Variants in RYR3 observed in about 807,000 individuals in gnomAD.
The protein encoded by RYR3 is ryanodine receptor 3.
RYR3 carries 207 observed loss-of-function variants against 584.3 expected under a neutral mutation model. The observed-to-expected ratio is 0.35, with a 90% CI of 0.32 to 0.40. The LOEUF (loss-of-function observed/expected upper bound fraction) is 0.40. Ranked by LOEUF, RYR3 falls within the 10% of genes least tolerant of loss-of-function variation. RYR3 has a pLI of 1.00. For missense variants in RYR3, 5,616 were observed against 6,089.2 expected, an observed-to-expected ratio of 0.92 and a Z score of 2.59; for synonymous variants, 2,416 against 2,248.5, an observed-to-expected ratio of 1.07 and a Z score of -2.11.
chr15:33,658,656 C>T (rs887872754), intron 32 of RYR3, among the ~76,000 whole-genome samples: 6 of 152,212 alleles, frequency 3.9e-5, no homozygotes, highest in African/African-American at 1.4e-4. Flanking sequence ...GAATTAAAGT[C>T]CCAGTGTGTG....
At chr15:33,396,159 G>A (rs1327797895) in intron 1 of RYR3, among the ~76,000 whole-genome samples, 5 of 152,060 alleles carry the variant, frequency 3.3e-5, no homozygotes, top group African/African-American at 4.8e-5. Context: ...TTCAGGGGCC[G>A]GCCCACTTGA....
rs778909280 is a variant in RYR3, at chr15:33,821,256, T to C, written c.10816-14T>C. ...TAGGAACCAATCTTTCCCTGTGATT[T>C]TTTTTCCCCCCAGGAGAAAGAGATG... On this transcript the variant is annotated splice_polypyrimidine_tract_variant and intron_variant, in intron 78 of 103. Coordinates refer to ENST00000634891, the MANE Select transcript of RYR3 (RefSeq NM_001036.6). 3.0e-5 allele frequency: 48 copies of C among 1,578,248 alleles called. No individual in the cohort carries two copies. Among genetic ancestry groups the C allele is most frequent in the Non-Finnish European group, 4.0e-5 (47 of 1,161,974 alleles).
intron 45 of RYR3, 59 bp downstream of exon 45, chr15:33,724,235 A>G: frequency 3.3e-6 from 3 of 922,694 alleles, no homozygotes; most frequent in Non-Finnish European, 5.1e-6. Flanking sequence ...AACACTATAG[A>G]TTTCCTGAAC....
rs976748287 is a variant in RYR3, at chr15:33,345,498, A to G, written c.51+34402A>G. ...GCTCTAAAGGCCCATGTTCCTGGAAAAGCTTCTATAAATGTTTTCACGATG... is the reference window on the plus strand; with the variant it reads ...GCTCTAAAGGCCCATGTTCCTGGAAGAGCTTCTATAAATGTTTTCACGATG... On this transcript the variant is annotated intron_variant, in intron 1 of 103. Transcript: ENST00000634891. Among the ~76,000 whole-genome samples the G allele has an allele frequency of 3.3e-5, 5 of 152,230 alleles. No homozygotes were observed. In the South Asian group the frequency reaches 1.0e-3, roughly 32 times the overall value.
rs543409292 is a variant in RYR3, at chr15:33,581,368, C to A, written c.1438-140C>A. 27 of 823,030 alleles carry A rather than the reference C, an allele frequency of 3.3e-5. No homozygotes were observed. The East Asian group carries it at 6.8e-4, about 21-fold the overall frequency. 51.0% of individuals were successfully genotyped at this position (823,030 alleles called of 1,614,324 possible). Reference sequence around the variant, plus strand: ...GTTTTTAGGAGGGAAAAAAAACAAACCCAACTGGCACCATGAAGGTCTATT... The same window carrying A: ...GTTTTTAGGAGGGAAAAAAAACAAAACCAACTGGCACCATGAAGGTCTATT... On this transcript the variant is annotated intron_variant, in intron 13 of 103. Transcript: ENST00000634891.
intron 1 of RYR3, among the ~76,000 whole-genome samples, chr15:33,431,319 A>G (rs1218339816): frequency 6.6e-6 from 1 of 152,220 alleles, no homozygotes; most frequent in African/African-American, 2.4e-5. Flanking sequence ...TCTAAGATGC[A>G]TTGAGTGGGG....
chr15:33,738,726 C>G (rs1289000781), intron 50 of RYR3, 136 bp downstream of exon 50: 2 of 899,962 alleles, frequency 2.2e-6, no homozygotes, highest in African/African-American at 1.7e-5. Flanking sequence ...TTACGCCAAT[C>G]CTTGCCCATC....
intron 1 of RYR3, among the ~76,000 whole-genome samples, chr15:33,432,694 G>GTGTGTGTGTGTA (rs1243653764): frequency 1.3e-5 from 2 of 149,038 alleles, no homozygotes; most frequent in African/African-American, 5.0e-5. Context: ...GTGTGTGTGT[G>GTGTGTGTGTGTA]TGTTTAAAGT....
At chr15:33,339,757 T>C (rs939124616) in intron 1 of RYR3, among the ~76,000 whole-genome samples, 26 of 151,896 alleles carry the variant, frequency 1.7e-4, no homozygotes, top group African/African-American at 3.9e-4. Flanking sequence ...GGTGTAGTGG[T>C]GGGCGCCTGT....
At chr15:33,526,015 G>A (rs1460205292) in intron 3 of RYR3, among the ~76,000 whole-genome samples, 1 of 152,174 alleles carries the variant, frequency 6.6e-6, no homozygotes, top group East Asian at 1.9e-4. Flanking sequence ...TCAGCAAGGA[G>A]CCTTCCTGAG....
chr15:33,343,836 A>T (rs972123119), intron 1 of RYR3, among the ~76,000 whole-genome samples: 1 of 152,116 alleles, frequency 6.6e-6, no homozygotes, highest in Admixed American at 6.5e-5. Context: ...CCAGTTGCTG[A>T]GTTGCTCCTA....
intron 5 of RYR3, among the ~76,000 whole-genome samples, chr15:33,535,240 T>G (rs1205538500): frequency 6.6e-6 from 1 of 152,192 alleles, no homozygotes; most frequent in East Asian, 1.9e-4. Flanking sequence ...TTGCCTAATT[T>G]TATAGATCTA....
chr15:33,480,287 G>T (rs751524983), intron 2 of RYR3, among the ~76,000 whole-genome samples: 1 of 152,144 alleles, frequency 6.6e-6, no homozygotes, highest in African/African-American at 2.4e-5. Context: ...TGACTTTACT[G>T]CTCTCTGCCT....
intron 42 of RYR3, among the ~76,000 whole-genome samples, chr15:33,704,440 C>G (rs1257365657): frequency 6.6e-6 from 1 of 152,144 alleles, no homozygotes; most frequent in African/African-American, 2.4e-5. Context: ...GCTCTGTAGG[C>G]CTGTGTTGTG....
intron 85 of RYR3, among the ~76,000 whole-genome samples, chr15:33,829,345 AAATG>A (rs2077542788): frequency 1.3e-5 from 2 of 152,144 alleles, no homozygotes; most frequent in Admixed American, 6.6e-5. Flanking sequence ...ATTTTTTAAG[AAATG>A]CATTTCGTAA....
chr15:33,469,155 T>G (rs905996303), intron 1 of RYR3, among the ~76,000 whole-genome samples: 4 of 152,150 alleles, frequency 2.6e-5, no homozygotes, highest in Non-Finnish European at 5.9e-5. Flanking sequence ...GAGAGATTAC[T>G]TGGGCTTCAT....
At chr15:33,701,125 T>A in intron 42 of RYR3, 45 bp downstream of exon 42, 1 of 1,281,708 alleles carries the variant, frequency 7.8e-7, no homozygotes, top group African/African-American at 1.5e-5. Context: ...CTTCGGCCTG[T>A]AGTGCAGCTA....
At chr15:33,408,915 G>C (rs1239882718) in intron 1 of RYR3, among the ~76,000 whole-genome samples, 1 of 152,104 alleles carries the variant, frequency 6.6e-6, no homozygotes, top group African/African-American at 2.4e-5. Context: ...CATCTACTTA[G>C]AGTGATCTAT....
intron 1 of RYR3, among the ~76,000 whole-genome samples, chr15:33,312,958 G>A (rs1967563373): frequency 6.6e-6 from 1 of 152,200 alleles, no homozygotes; most frequent in Admixed American, 6.5e-5. Context: ...CTAGAGATCA[G>A]AGCTGGCAGA....
Sources: allele counts gnomAD v4.1 joint callset (sites outside exome capture counted in the v4.1 genomes callset), GRCh38; gene constraint gnomAD v4.1.1; transcripts MANE v1.5; gene names NCBI Gene and HGNC (gene_info 2026-07-23, HGNC 2026-07-21).